Variants in KCNQ1OT1 observed in about 807,000 individuals in gnomAD.
KCNQ1OT1 encodes KCNQ1 antisense RNA 2 (non-protein coding).
rs556364715 is a variant in KCNQ1OT1 at position 2,686,666 on chromosome 11, T to C, written n.13329A>G. ...CACAGAGCATGGCCGCTGGATCAAG[T>C]GTGGGTCCCAGTTGGATGACAAACC... On this transcript the variant is annotated non_coding_transcript_exon_variant, in exon 1 of 1. Transcript: ENST00000597346. 5 of 398,604 alleles carry C rather than the reference T, an allele frequency of 1.3e-5. No individual in the cohort carries two copies. In the South Asian group the frequency reaches 3.8e-4, roughly 30 times the overall value. The allele number at this position is 398,604 out of a possible 1,614,324, so 24.7% of individuals were successfully genotyped here.
Position 2,698,244 on chromosome 11 carries a change from G to C in KCNQ1OT1, n.1751C>G, listed in dbSNP as rs1162709272. Reference sequence around the variant, plus strand: ...ATCAAATGTGGATATTATCAGGAAAGTTTTTATACTTTGTGATAATCTAAG... The same window carrying C: ...ATCAAATGTGGATATTATCAGGAAACTTTTTATACTTTGTGATAATCTAAG... On this transcript the variant is annotated non_coding_transcript_exon_variant, in exon 1 of 1. Coordinates refer to ENST00000597346, the Ensembl canonical transcript of KCNQ1OT1. The surrounding 1 kb of genome is among the most constrained non-coding windows in gnomAD (Gnocchi z 5.1). 7.5e-6 allele frequency: 3 copies of C among 398,608 alleles called. No homozygotes were observed. In the East Asian group the frequency reaches 1.1e-4, roughly 14 times the overall value. The allele number at this position is 398,608 out of a possible 1,614,324, so 24.7% of individuals were successfully genotyped here.
At position 2,642,267 on chromosome 11, in the gene KCNQ1OT1, T is replaced by G; in HGVS notation, n.57728A>C. On this transcript the variant is annotated non_coding_transcript_exon_variant, in exon 1 of 1. Coordinates refer to ENST00000597346, the Ensembl canonical transcript of KCNQ1OT1. The surrounding 1 kb of genome is among the most constrained non-coding windows in gnomAD (Gnocchi z 4.3). ...ATCCATGAGAATGGGATGTTTTTTG[T>G]GTGTTCTTTTCAATTTCTTTCATCA... is the stretch of plus-strand genomic sequence containing the variant. 7.5e-6 allele frequency: 3 copies of G among 398,340 alleles called. No homozygotes were observed. Among genetic ancestry groups the G allele is most frequent in the Non-Finnish European group, 1.3e-5 (3 of 225,872 alleles). The allele number at this position is 398,340 out of a possible 1,614,324, so 24.7% of individuals were successfully genotyped here.
rs2133808509 is a variant in KCNQ1OT1, at chr11:2,624,772, AC to A, written n.75222del. The A allele has an allele frequency of 2.5e-6, 1 of 398,402 alleles. No homozygotes were observed. Among genetic ancestry groups the A allele is most frequent in the East Asian group, 3.6e-5 (1 of 28,060 alleles). 24.7% of individuals were successfully genotyped at this position (398,402 alleles called of 1,614,324 possible). On this transcript the variant is annotated non_coding_transcript_exon_variant, in exon 1 of 1. Transcript: ENST00000597346. The surrounding 1 kb of genome is among the most constrained non-coding windows in gnomAD (Gnocchi z 4.9). ...CCACCACCGCCATCTCTTGGAAACCACCTTGTACTTTCTATGTCTCTGATTT... is the reference window on the plus strand; with the variant it reads ...CCACCACCGCCATCTCTTGGAAACCACTTGTACTTTCTATGTCTCTGATTT...
rs1849870707 is a variant in KCNQ1OT1, at chr11:2,657,491, A to G, written n.42504T>C. On this transcript the variant is annotated non_coding_transcript_exon_variant, in exon 1 of 1. Transcript: ENST00000597346. This position sits in a 1 kb window ranked among gnomAD's most constrained non-coding sequence, Gnocchi z 4.8. Reference sequence around the variant, plus strand: ...GTTCTGTTTTCTCTTGTTACCTCACATTTTTTATTTACAGAAGAGAAACAA... The same window carrying G: ...GTTCTGTTTTCTCTTGTTACCTCACGTTTTTTATTTACAGAAGAGAAACAA... 2.5e-6 allele frequency: 1 copy of G among 398,360 alleles called. No homozygotes were observed. The highest frequency in any genetic ancestry group is 2.1e-5 in the African/African-American group (1 of 48,620). 24.7% of individuals were successfully genotyped at this position (398,360 alleles called of 1,614,324 possible).
chr11:2,632,194 A>AAG (rs1849368008), exon 1 of KCNQ1OT1: 2 of 397,856 alleles, frequency 5.0e-6, no homozygotes, highest in East Asian at 3.6e-5. Context: ...AAAAAAAAAA[A>AAG]AAAAAAAAAG....
At chr11:2,648,051 CAAA>C (rs34011245) in exon 1 of KCNQ1OT1, 105 of 367,696 alleles carry the variant, frequency 2.9e-4, no homozygotes, top group Non-Finnish European at 3.7e-4. Context: ...CCATCTCTAC[CAAA>C]AAAAAAAAAA....
At chr11:2,694,528 G>A (rs1850642084) in exon 1 of KCNQ1OT1, 1 of 398,536 alleles carries the variant, frequency 2.5e-6, no homozygotes, top group African/African-American at 2.1e-5. Flanking sequence ...GTTGCAAGGG[G>A]TCAGATTTTG....
In KCNQ1OT1 at chr11:2,670,779, C is replaced by T. The variant is rs1850170050; in HGVS notation, n.29216G>A. On this transcript the variant is annotated non_coding_transcript_exon_variant, in exon 1 of 1. Transcript: ENST00000597346. The surrounding 1 kb of genome is among the most constrained non-coding windows in gnomAD (Gnocchi z 4.9). Reference sequence around the variant, plus strand: ...CAGTGGCTCTTGTGGCTGCCCTCTGCAATAAGAATTCTTCAAGTTCAGCCT... The same window carrying T: ...CAGTGGCTCTTGTGGCTGCCCTCTGTAATAAGAATTCTTCAAGTTCAGCCT... 2.5e-6 allele frequency: 1 copy of T among 398,422 alleles called. No homozygotes were observed. Among genetic ancestry groups the T allele is most frequent in the Admixed American group, 4.4e-5 (1 of 22,710 alleles). The allele number at this position is 398,422 out of a possible 1,614,324, so 24.7% of individuals were successfully genotyped here.
chr11:2,667,426 C>G (rs1241702389), exon 1 of KCNQ1OT1: 3 of 398,618 alleles, frequency 7.5e-6, no homozygotes, highest in African/African-American at 4.1e-5. Context: ...TGTGAACTCC[C>G]AGCCATGATG....
exon 1 of KCNQ1OT1, chr11:2,689,026 C>G (rs1850544949): frequency 2.5e-6 from 1 of 398,740 alleles, no homozygotes; most frequent in African/African-American, 2.1e-5. Context: ...TCCTGGAGCC[C>G]TGGGCTGCAG....
exon 1 of KCNQ1OT1, chr11:2,646,341 G>C (rs1590002564): frequency 5.0e-6 from 2 of 398,480 alleles, no homozygotes; most frequent in South Asian, 1.3e-4. Flanking sequence ...CATGAGCATG[G>C]GATGTCTCAA....
exon 1 of KCNQ1OT1, chr11:2,637,288 A>G (rs1315893497): frequency 1.3e-5 from 2 of 152,180 alleles, no homozygotes; most frequent in Non-Finnish European, 2.9e-5. Flanking sequence ...CATCAATTTT[A>G]GATTTTTCCT....
exon 1 of KCNQ1OT1, chr11:2,686,408 T>C (rs1189770366): frequency 3.3e-5 from 13 of 398,548 alleles, no homozygotes; most frequent in Non-Finnish European, 4.4e-5. Flanking sequence ...GACTAGGATA[T>C]TGTGGATACC....
Position 2,615,159 on chromosome 11 carries a change from G to T in KCNQ1OT1, n.84836C>A, listed in dbSNP as rs1162603051. 5 of 397,832 alleles carry T rather than the reference G, an allele frequency of 1.3e-5. No individual in the cohort carries two copies. In the Admixed American group the frequency reaches 2.2e-4, roughly 18 times the overall value. 24.6% of individuals were successfully genotyped at this position (397,832 alleles called of 1,614,324 possible). A position where few individuals can be genotyped will look rare whatever the true frequency, so the allele number is the denominator to read the frequency against. On this transcript the variant is annotated non_coding_transcript_exon_variant, in exon 1 of 1. Coordinates refer to ENST00000597346, the Ensembl canonical transcript of KCNQ1OT1. ...CTATTTTACTCTTTTTGATGCTATT[G>T]TAAGTGGAATTTTAAAAATTGACTT...
chr11:2,609,741 C>G, exon 1 of KCNQ1OT1: 1 of 398,268 alleles, frequency 2.5e-6, no homozygotes, highest in Non-Finnish European at 4.4e-6. Flanking sequence ...ATTGTATCTT[C>G]TCATGAATTG....
rs1045581209 is a variant in KCNQ1OT1, at chr11:2,663,596, T to C, written n.36399A>G. ...TCTCCTGTTGGAGCTCTCGCTCACC[T>C]TGGTTCTCTTGGTCACGGACCAGCA... On this transcript the variant is annotated non_coding_transcript_exon_variant, in exon 1 of 1. Transcript: ENST00000597346. The surrounding 1 kb of genome is among the most constrained non-coding windows in gnomAD (Gnocchi z 5.2). The C allele has an allele frequency of 5.0e-6, 2 of 398,576 alleles. No homozygotes were observed. Among genetic ancestry groups the C allele is most frequent in the Admixed American group, 4.4e-5 (1 of 22,724 alleles). The allele number at this position is 398,576 out of a possible 1,614,324, so 24.7% of individuals were successfully genotyped here.
exon 1 of KCNQ1OT1, chr11:2,630,890 T>G (rs1228352288): frequency 2.5e-6 from 1 of 398,404 alleles, no homozygotes; most frequent in Non-Finnish European, 4.4e-6. Flanking sequence ...TTTCAGAACT[T>G]TGAATATATA....
chr11:2,667,021 A>T, exon 1 of KCNQ1OT1: 1 of 398,708 alleles, frequency 2.5e-6, no homozygotes, highest in Non-Finnish European at 4.4e-6. Context: ...GATCCCCGTC[A>T]GAGCCCCACA....
chr11:2,692,040 C>T, exon 1 of KCNQ1OT1: 1 of 398,770 alleles, frequency 2.5e-6, no homozygotes, highest in Non-Finnish European at 4.4e-6. Flanking sequence ...CCCTGACCCC[C>T]CAAATGTCTC....
Sources: allele counts gnomAD v4.1 joint callset, GRCh38; gene constraint gnomAD v4.1.1; non-coding constraint Gnocchi (gnomAD v3.1); transcripts MANE v1.5; gene names NCBI Gene and HGNC (gene_info 2026-07-23, HGNC 2026-07-21).